Variants in PLGRKT observed in about 807,000 individuals in gnomAD.
The protein encoded by PLGRKT is plasminogen receptor with a C-terminal lysine.
In PLGRKT, 22 loss-of-function variants were observed where a neutral mutation model predicts 18.5. The ratio of observed to expected loss-of-function variants is 1.19; its 90% CI spans 0.85 to 1.70. The LOEUF (loss-of-function observed/expected upper bound fraction) is 1.70, where lower values mean the gene tolerates loss of function less well. PLGRKT is among the 40% of genes most tolerant of loss of function. PLGRKT has a pLI of 0.00. For missense variants in PLGRKT, 235 were observed against 174.4 expected, an observed-to-expected ratio of 1.35 and a Z score of -1.96; for synonymous variants, 72 against 52.8, an observed-to-expected ratio of 1.36 and a Z score of -1.58.
chr9:5,378,801 CT>C (rs1330392279), intron 3 of PLGRKT, among the ~76,000 whole-genome samples: 1 of 152,034 alleles, frequency 6.6e-6, no homozygotes, highest in Non-Finnish European at 1.5e-5. Context: ...TTAACCATCT[CT>C]TTCAGAAATA....
chr9:5,373,440 G>A (rs886381159), intron 3 of PLGRKT, among the ~76,000 whole-genome samples: 4 of 152,184 alleles, frequency 2.6e-5, no homozygotes, highest in Non-Finnish European at 5.9e-5. Flanking sequence ...CTACTCTGCT[G>A]CACAAATGTG....
intron 3 of PLGRKT, among the ~76,000 whole-genome samples, chr9:5,429,635 C>T (rs939492832): frequency 6.6e-6 from 1 of 152,170 alleles, no homozygotes; most frequent in African/African-American, 2.4e-5. Flanking sequence ...TTCTTCTTCT[C>T]ATAAAGCCAT....
chr9:5,398,218 G>T (rs912630231), intron 3 of PLGRKT, among the ~76,000 whole-genome samples: 1 of 151,840 alleles, frequency 6.6e-6, no homozygotes, highest in African/African-American at 2.4e-5. Flanking sequence ...AGAAACATCA[G>T]GGGTGGGTTA....
chr9:5,390,804 T>C (rs1401132948), intron 3 of PLGRKT, among the ~76,000 whole-genome samples: 5 of 151,874 alleles, frequency 3.3e-5, no homozygotes, highest in Admixed American at 6.6e-5. Context: ...CAAGTCAAGT[T>C]TATAGCTATG....
At chr9:5,415,213 A>G (rs1818436761) in intron 3 of PLGRKT, among the ~76,000 whole-genome samples, 1 of 152,220 alleles carries the variant, frequency 6.6e-6, no homozygotes, top group South Asian at 2.1e-4. Context: ...TAGAAAGCAA[A>G]TGGAAGTTGG....
intron 2 of PLGRKT, among the ~76,000 whole-genome samples, chr9:5,434,263 T>TTTG (rs1818908925): frequency 2.1e-5 from 2 of 94,414 alleles, no homozygotes; most frequent in Non-Finnish European, 4.3e-5. Flanking sequence ...CCGGCCGCCC[T>TTTG]TCGTCTGGGA....
chr9:5,397,073 A>C lies in PLGRKT; in HGVS notation c.81+34824T>G, dbSNP rs190223386. ...ACTTCCAAACTTATTTGCTCTTATGAGTAAATTTTGATGCTGGAAGCAAAT... is the reference window on the plus strand; with the variant it reads ...ACTTCCAAACTTATTTGCTCTTATGCGTAAATTTTGATGCTGGAAGCAAAT... On this transcript the variant is annotated intron_variant, in intron 3 of 5. Transcript: ENST00000223864. 8.0e-4 allele frequency among the ~76,000 whole-genome samples: 121 copies of C among 152,142 alleles called. 2 individuals carry two copies. Among genetic ancestry groups the C allele is most frequent in the Non-Finnish European group, 1.5e-3 (101 of 68,034 alleles).
chr9:5,423,907 A>G (rs919584344), intron 3 of PLGRKT, among the ~76,000 whole-genome samples: 17 of 123,446 alleles, frequency 1.4e-4, no homozygotes, highest in African/African-American at 5.1e-4. Context: ...TATTACATAT[A>G]TTAGATATTA....
At chr9:5,432,273 C>A (rs1818842406) in intron 2 of PLGRKT, among the ~76,000 whole-genome samples, 1 of 152,106 alleles carries the variant, frequency 6.6e-6, no homozygotes, top group Admixed American at 6.5e-5. Context: ...GATTTTTCTT[C>A]CCACCATAAA....
intron 3 of PLGRKT, among the ~76,000 whole-genome samples, chr9:5,393,701 G>A (rs981108244): frequency 6.6e-6 from 1 of 151,672 alleles, no homozygotes; most frequent in African/African-American, 2.4e-5. Flanking sequence ...TTTTGCTGAG[G>A]TTTCTATTTT....
chr9:5,433,310 T>G (rs941639204), intron 2 of PLGRKT, among the ~76,000 whole-genome samples: 45 of 150,622 alleles, frequency 3.0e-4, no homozygotes, highest in Admixed American at 3.0e-3. Context: ...CCGCCCGTTG[T>G]CTGGGATGTG....
At chr9:5,387,140 G>C (rs997761219) in intron 3 of PLGRKT, among the ~76,000 whole-genome samples, 1 of 151,864 alleles carries the variant, frequency 6.6e-6, no homozygotes, top group Non-Finnish European at 1.5e-5. Context: ...CTTCTAAGGA[G>C]CTCCAATGTC....
At chr9:5,413,449 T>A (rs1204730493) in intron 3 of PLGRKT, among the ~76,000 whole-genome samples, 1 of 152,080 alleles carries the variant, frequency 6.6e-6, no homozygotes, top group Non-Finnish European at 1.5e-5. Context: ...AAGAAGAGTA[T>A]CCTGTATTAT....
intron 2 of PLGRKT, among the ~76,000 whole-genome samples, chr9:5,433,379 C>G (rs915033978): frequency 2.0e-5 from 3 of 148,028 alleles, no homozygotes; most frequent in African/African-American, 7.5e-5. Flanking sequence ...TCTGCCTGAC[C>G]GTCCACCGTC....
chr9:5,407,347 C>G (rs1449981843), intron 3 of PLGRKT, among the ~76,000 whole-genome samples: 3 of 152,132 alleles, frequency 2.0e-5, no homozygotes, highest in Non-Finnish European at 4.4e-5. Context: ...TTTTCATACA[C>G]ACAAAGAAAA....
chr9:5,372,342 T>G (rs1427620989), intron 3 of PLGRKT, among the ~76,000 whole-genome samples: 2 of 152,126 alleles, frequency 1.3e-5, no homozygotes, highest in Non-Finnish European at 2.9e-5. Context: ...TATATGCAAG[T>G]TACATATATT....
At position 5,410,090 on chromosome 9, in the gene PLGRKT, G is replaced by A. The variant is rs114161273; in HGVS notation, c.81+21807C>T. 1.9e-4 allele frequency among the ~76,000 whole-genome samples: 29 copies of A among 152,154 alleles called. No homozygotes were observed. In the East Asian group the frequency reaches 5.4e-3, roughly 28 times the overall value. ...TTTAAAACTTTATTTTTAAAAGCAA[G>A]AAAAATTGCTATTACTGGCCTTAAT... is the stretch of plus-strand genomic sequence containing the variant. On this transcript the variant is annotated intron_variant, in intron 3 of 5. Coordinates refer to ENST00000223864, the MANE Select transcript of PLGRKT (RefSeq NM_018465.4).
At chr9:5,379,052 T>C (rs150951544) in intron 3 of PLGRKT, among the ~76,000 whole-genome samples, 35 of 152,224 alleles carry the variant, frequency 2.3e-4, no homozygotes, top group African/African-American at 8.2e-4. Flanking sequence ...TAGATAATGA[T>C]TGCCTAGCTT....
chr9:5,426,577 AAAT>A (rs1421385013), intron 3 of PLGRKT, among the ~76,000 whole-genome samples: 1 of 152,214 alleles, frequency 6.6e-6, no homozygotes, highest in Non-Finnish European at 1.5e-5. Flanking sequence ...ATTAAGAAAT[AAAT>A]AATAAAGTGT....
Sources: allele counts gnomAD v4.1 joint callset (sites outside exome capture counted in the v4.1 genomes callset), GRCh38; gene constraint gnomAD v4.1.1; transcripts MANE v1.5; gene names NCBI Gene and HGNC (gene_info 2026-07-23, HGNC 2026-07-21).